Variants in ANKS1B observed in about 807,000 individuals in gnomAD.
ANKS1B encodes the protein ankyrin repeat and sterile alpha motif domain containing 1B.
A neutral mutation model predicts 148.3 loss-of-function variants in ANKS1B; 36 were observed. That is an observed-to-expected ratio of 0.24 (90% CI 0.19 to 0.32). ANKS1B has a LOEUF of 0.32. Ranked by LOEUF, ANKS1B falls within the 10% of genes least tolerant of loss-of-function variation. The probability of loss-of-function intolerance (pLI) is 1.00; values close to 1 mark genes in which losing one functional copy is unlikely to be tolerated. For missense variants in ANKS1B, 1,157 were observed against 1,542.6 expected, an observed-to-expected ratio of 0.75 and a Z score of 4.19; for synonymous variants, 542 against 560.8, an observed-to-expected ratio of 0.97 and a Z score of 0.47.
intron 8 of ANKS1B, among the ~76,000 whole-genome samples, chr12:99,685,916 T>C (rs116769067): frequency 0.019 from 2,914 of 152,130 alleles, 104 homozygotes; most frequent in African/African-American, 0.066. Context: ...CACTTACAAA[T>C]GGGAGCTAAG....
At chr12:99,881,140 T>A (rs1396366659) in intron 1 of ANKS1B, among the ~76,000 whole-genome samples, 1 of 152,066 alleles carries the variant, frequency 6.6e-6, no homozygotes, top group African/African-American at 2.4e-5. Context: ...AAACCAGGAG[T>A]AGACACCAGC....
intron 8 of ANKS1B, among the ~76,000 whole-genome samples, chr12:99,741,245 A>ACACT (rs55942643): frequency 5.4e-5 from 8 of 146,942 alleles, no homozygotes; most frequent in Non-Finnish European, 1.1e-4. Context: ...ACACACACAC[A>ACACT]TCAGGAAACA....
chr12:99,870,726 G>A lies in ANKS1B; in HGVS notation c.135-45337C>T, dbSNP rs146375714. Among the ~76,000 whole-genome samples, 848 of 152,246 alleles carry A rather than the reference G, an allele frequency of 5.6e-3. 2 individuals are homozygous for A. Among genetic ancestry groups the A allele is most frequent in the Middle Eastern group, 0.01 (3 of 294 alleles). On this transcript the variant is annotated intron_variant, in intron 1 of 26. Coordinates refer to ENST00000683438, the MANE Select transcript of ANKS1B (RefSeq NM_001352186.2). ...TGGTCACTTGAATGTCTTCTTTTGAGAATTGTCTGTTCTTGTATTTTGCTC... is the reference window on the plus strand; with the variant it reads ...TGGTCACTTGAATGTCTTCTTTTGAAAATTGTCTGTTCTTGTATTTTGCTC...
At chr12:99,167,928 A>C (rs2077346676) in intron 14 of ANKS1B, among the ~76,000 whole-genome samples, 1 of 152,228 alleles carries the variant, frequency 6.6e-6, no homozygotes, top group South Asian at 2.1e-4. Flanking sequence ...CATTTTGCAC[A>C]GTGAAAGAAA....
rs1318379972 is a variant in ANKS1B, at chr12:99,324,950, T to C, written c.1756+74681A>G. Among the ~76,000 whole-genome samples the C allele has an allele frequency of 2.6e-5, 4 of 152,138 alleles. No individual in the cohort carries two copies. The East Asian group carries it at 7.7e-4, about 29-fold the overall frequency. On this transcript the variant is annotated intron_variant, in intron 12 of 26. Coordinates refer to ENST00000683438, the MANE Select transcript of ANKS1B (RefSeq NM_001352186.2). ...GAGAAGAATCTTCAGAAAGTGAAAT[T>C]ACTATGTCCATTATTAGGTGTTCCA...
chr12:99,563,262 T>C (rs1030923035), intron 9 of ANKS1B, among the ~76,000 whole-genome samples: 2 of 152,246 alleles, frequency 1.3e-5, no homozygotes, highest in Non-Finnish European at 2.9e-5. Context: ...TGGATAACTG[T>C]TTGGCATAAG....
intron 9 of ANKS1B, among the ~76,000 whole-genome samples, chr12:99,535,220 C>T (rs979759898): frequency 9.9e-5 from 15 of 152,116 alleles, no homozygotes; most frequent in African/African-American, 3.6e-4. Context: ...TTCTTGTTAC[C>T]ATTACTCTAC....
chr12:99,984,500 T>G lies in ANKS1B; in HGVS notation c.-263A>C. ...AGCCGCGACGCGCCCCCACAGCCAC[T>G]CCCCTGAATTCCCAAGGCCTCGTTC... On this transcript the variant is annotated 5_prime_UTR_variant, in exon 1 of 27. Coordinates refer to ENST00000683438, the MANE Select transcript of ANKS1B (RefSeq NM_001352186.2). 1 of 383,030 alleles carries G rather than the reference T, an allele frequency of 2.6e-6. No individual in the cohort carries two copies. Among genetic ancestry groups the G allele is most frequent in the Non-Finnish European group, 4.8e-6 (1 of 209,770 alleles). 23.7% of individuals were successfully genotyped at this position (383,030 alleles called of 1,614,324 possible).
chr12:99,283,755 T>G (rs1042669155), intron 12 of ANKS1B, among the ~76,000 whole-genome samples: 2 of 152,228 alleles, frequency 1.3e-5, no homozygotes, highest in African/African-American at 2.4e-5. Flanking sequence ...CTTTCTTTTA[T>G]GCACATGTAG....
intron 12 of ANKS1B, among the ~76,000 whole-genome samples, chr12:99,392,272 C>A (rs2094100817): frequency 6.6e-6 from 1 of 152,260 alleles, no homozygotes; most frequent in African/African-American, 2.4e-5. Context: ...CTAATTAAAA[C>A]ACAGGCCTTC....
intron 12 of ANKS1B, among the ~76,000 whole-genome samples, chr12:99,263,366 C>T (rs966934809): frequency 2.0e-5 from 3 of 152,022 alleles, no homozygotes; most frequent in African/African-American, 7.2e-5. Flanking sequence ...TTTATACCTT[C>T]TCTTTTCAAT....
chr12:99,804,270 A>G (rs947280526), intron 4 of ANKS1B, among the ~76,000 whole-genome samples: 1 of 152,212 alleles, frequency 6.6e-6, no homozygotes, highest in Non-Finnish European at 1.5e-5. Context: ...TTTATCATTA[A>G]ACAACTTTTA....
intron 10 of ANKS1B, among the ~76,000 whole-genome samples, chr12:99,462,480 G>A (rs758226648): frequency 2.0e-5 from 3 of 152,094 alleles, no homozygotes; most frequent in South Asian, 2.1e-4. Context: ...TGTTGCCTCC[G>A]AAATCACTCA....
intron 1 of ANKS1B, among the ~76,000 whole-genome samples, chr12:99,949,584 G>C (rs1162782350): frequency 6.6e-6 from 1 of 152,126 alleles, no homozygotes; most frequent in African/African-American, 2.4e-5. Flanking sequence ...AATGTGAGGA[G>C]TCAGATGGAA....
intron 9 of ANKS1B, among the ~76,000 whole-genome samples, chr12:98,738,690 G>C (rs2153350438): frequency 6.6e-6 from 1 of 152,254 alleles, no homozygotes; most frequent in Middle Eastern, 3.4e-3. Context: ...AAGACTCTTA[G>C]GCTTGTAAGT....
At chr12:98,856,911 TG>T (rs1264425145) in intron 17 of ANKS1B, among the ~76,000 whole-genome samples, 3 of 152,174 alleles carry the variant, frequency 2.0e-5, no homozygotes, top group African/African-American at 7.2e-5. Context: ...TAAACACTGC[TG>T]GGGTTTACTT....
At chr12:98,961,210 TC>T (rs559141217) in intron 17 of ANKS1B, among the ~76,000 whole-genome samples, 40 of 152,140 alleles carry the variant, frequency 2.6e-4, no homozygotes, top group African/African-American at 9.1e-4. Context: ...CGTTTAATAA[TC>T]AAACTCCCAA....
At chr12:99,414,645 C>T (rs1490300949) in intron 11 of ANKS1B, among the ~76,000 whole-genome samples, 2 of 152,086 alleles carry the variant, frequency 1.3e-5, no homozygotes. Flanking sequence ...AACACGTGGA[C>T]ACAGGGAGGG....
chr12:99,582,211 T>G (rs2097577610), intron 9 of ANKS1B, among the ~76,000 whole-genome samples: 1 of 151,900 alleles, frequency 6.6e-6, no homozygotes, highest in Non-Finnish European at 1.5e-5. Flanking sequence ...GTGATGGAAA[T>G]TATTGAATCA....
Sources: allele counts gnomAD v4.1 joint callset (sites outside exome capture counted in the v4.1 genomes callset), GRCh38; gene constraint gnomAD v4.1.1; transcripts MANE v1.5; gene names NCBI Gene and HGNC (gene_info 2026-07-23, HGNC 2026-07-21).